SBF2: variants seen among roughly 807,000 people sequenced by gnomAD.
SBF2 encodes the protein myotubularin-related protein 13.
Under a neutral mutation model 225.2 loss-of-function variants are expected in SBF2, and 112 were observed. The observed-to-expected ratio is 0.50, with a 90% confidence interval of 0.43 to 0.58. The LOEUF (loss-of-function observed/expected upper bound fraction) is 0.58, where lower values mean the gene tolerates loss of function less well. Ranked by LOEUF, SBF2 falls within the 20% of genes least tolerant of loss-of-function variation. The probability of loss-of-function intolerance (pLI) is 0.00; values close to 1 mark genes in which losing one functional copy is unlikely to be tolerated. For missense variants in SBF2, 1,996 were observed against 2,206.2 expected (o/e 0.90, Z 1.91); for synonymous variants, 763 against 773.3 (o/e 0.99, Z 0.22).
At chr11:10,258,390 T>TAA (rs1961089972) in intron 1 of SBF2, among the ~76,000 whole-genome samples, 1 of 152,222 alleles carries the variant, frequency 6.6e-6, no homozygotes, top group Admixed American at 6.5e-5. Flanking sequence ...TTTACAGGCA[T>TAA]AAGCCATTGT....
chr11:10,070,851 A>G (rs954720614), intron 2 of SBF2, among the ~76,000 whole-genome samples: 16 of 151,792 alleles, frequency 1.1e-4, no homozygotes, highest in African/African-American at 3.6e-4. Flanking sequence ...AGTGGTTTGT[A>G]GTTCTCCCTG....
intron 2 of SBF2, among the ~76,000 whole-genome samples, chr11:10,046,234 A>T (rs183447794): frequency 7.2e-5 from 11 of 152,280 alleles, no homozygotes; most frequent in Admixed American, 6.5e-4. Flanking sequence ...ATTATCTGCA[A>T]CCTCTTTCAG....
intron 28 of SBF2, chr11:9,828,778 A>C: frequency 4.0e-6 from 1 of 252,802 alleles, no homozygotes; most frequent in Non-Finnish European, 6.2e-6. Flanking sequence ...TTTAACAAAC[A>C]TGTTCCACTT....
chr11:10,022,832 G>C (rs1252088045), intron 6 of SBF2, among the ~76,000 whole-genome samples: 3 of 152,136 alleles, frequency 2.0e-5, no homozygotes, highest in Admixed American at 2.0e-4. Flanking sequence ...TTGACTAAGA[G>C]AGTTTCCAAC....
chr11:9,994,699 T>A (rs1002218814), intron 9 of SBF2, among the ~76,000 whole-genome samples: 5 of 151,982 alleles, frequency 3.3e-5, no homozygotes, highest in Non-Finnish European at 7.4e-5. Flanking sequence ...GTTGAATTTT[T>A]AAAAACAGCT....
intron 2 of SBF2, among the ~76,000 whole-genome samples, chr11:10,093,144 G>A (rs2098079519): frequency 6.6e-6 from 1 of 151,544 alleles, no homozygotes; most frequent in African/African-American, 2.4e-5. Flanking sequence ...AGCCTCCCAA[G>A]CAGCTGAGAC....
chr11:10,047,963 A>T (rs1331088175), intron 2 of SBF2, among the ~76,000 whole-genome samples: 1 of 152,068 alleles, frequency 6.6e-6, no homozygotes, highest in African/African-American at 2.4e-5. Context: ...TATACTCCAA[A>T]ACCATCTTTA....
intron 2 of SBF2, among the ~76,000 whole-genome samples, chr11:10,072,654 C>T (rs1950929365): frequency 6.6e-6 from 1 of 151,124 alleles, no homozygotes; most frequent in Non-Finnish European, 1.5e-5. Context: ...GGAATGCTAT[C>T]ATTTGGGGCT....
chr11:10,248,787 AAAATTAACCCTGTAAAAC>A (rs1960045954), intron 1 of SBF2, among the ~76,000 whole-genome samples: 1 of 152,230 alleles, frequency 6.6e-6, no homozygotes, highest in South Asian at 2.1e-4. Flanking sequence ...AAATTCTGTA[AAAATTAACCCTGTAAAAC>A]AAATTCTAGG....
intron 15 of SBF2, among the ~76,000 whole-genome samples, chr11:9,963,201 A>G (rs567009728): frequency 5.9e-5 from 9 of 152,240 alleles, no homozygotes; most frequent in Non-Finnish European, 1.3e-4. Context: ...ATGTTGGCTC[A>G]TACATGTAAT....
intron 1 of SBF2, among the ~76,000 whole-genome samples, chr11:10,273,347 A>T (rs1412380021): frequency 6.6e-6 from 1 of 152,154 alleles, no homozygotes; most frequent in Non-Finnish European, 1.5e-5. Flanking sequence ...ACTGTTTTTT[A>T]AAAAATTGCT....
intron 9 of SBF2, 103 bp downstream of exon 9, chr11:9,998,163 T>C: frequency 1.4e-6 from 1 of 716,606 alleles, no homozygotes; most frequent in Admixed American, 2.3e-5. Context: ...TAGCTCTCTT[T>C]AAATTAAAGT....
At chr11:10,123,471 AC>A (rs1371109514) in intron 2 of SBF2, among the ~76,000 whole-genome samples, 1 of 152,200 alleles carries the variant, frequency 6.6e-6, no homozygotes, top group Non-Finnish European at 1.5e-5. Flanking sequence ...TAAAAAATCT[AC>A]CAAGAGAATG....
intron 3 of SBF2, among the ~76,000 whole-genome samples, chr11:10,041,094 C>G (rs897695664): frequency 1.3e-5 from 2 of 151,860 alleles, no homozygotes; most frequent in South Asian, 4.1e-4. Context: ...TTAGATAATT[C>G]CAAAGAGTTG....
intron 17 of SBF2, among the ~76,000 whole-genome samples, chr11:9,883,822 C>T (rs1860029380): frequency 6.6e-6 from 1 of 151,978 alleles, no homozygotes; most frequent in Non-Finnish European, 1.5e-5. Context: ...TTTTAGAACC[C>T]TAAACTTACA....
Position 9,817,029 on chromosome 11 carries a change from A to G in SBF2, c.3794-5T>C, listed in dbSNP as rs750041384. 8.1e-6 allele frequency: 13 copies of G among 1,613,938 alleles called. No homozygotes were observed. In the East Asian group the frequency reaches 2.9e-4, roughly 36 times the overall value. ...AGCGAAGACTTGCCCACACACCTTCACAAAAGCCAAAGTCGTGGAGTGAGA... is the reference window on the plus strand; with the variant it reads ...AGCGAAGACTTGCCCACACACCTTCGCAAAAGCCAAAGTCGTGGAGTGAGA... On this transcript the variant is annotated splice_polypyrimidine_tract_variant and splice_region_variant and intron_variant, in intron 28 of 39. Coordinates refer to ENST00000256190, the MANE Select transcript of SBF2 (RefSeq NM_030962.4).
chr11:9,972,736 C>T (rs956829026), intron 13 of SBF2, among the ~76,000 whole-genome samples: 4 of 152,218 alleles, frequency 2.6e-5, no homozygotes, highest in Non-Finnish European at 2.9e-5. Context: ...CAGCCTCAGC[C>T]TCCCAAAGCG....
chr11:9,868,319 C>A (rs1198990972), intron 17 of SBF2, among the ~76,000 whole-genome samples: 1 of 119,238 alleles, frequency 8.4e-6, no homozygotes, highest in Non-Finnish European at 1.7e-5. Context: ...ACAGTGAAAT[C>A]CCGTCTCTAC....
chr11:9,790,951 T>G (rs1015060392), intron 33 of SBF2: 2 of 308,440 alleles, frequency 6.5e-6, no homozygotes, highest in Non-Finnish European at 1.2e-5. Flanking sequence ...CTTCCAACCC[T>G]CATCCTGCAT....
Sources: gnomAD v4.1 joint callset for allele counts (sites outside exome capture counted in the v4.1 genomes callset) on GRCh38, gnomAD v4.1.1 for gene constraint, MANE v1.5 for transcripts, NCBI Gene and HGNC (gene_info 2026-07-23, HGNC 2026-07-21) for gene names.